Variants in ZYG11A observed in about 807,000 individuals in gnomAD.
The protein encoded by ZYG11A is zyg-11 family member A, cell cycle regulator, also known as protein zyg-11 homolog A.
In ZYG11A, 62 loss-of-function variants were observed where a neutral mutation model predicts 77.2. That is an observed-to-expected ratio of 0.80 (90% CI 0.65 to 0.99). The LOEUF (loss-of-function observed/expected upper bound fraction) is 0.99, where lower values mean the gene tolerates loss of function less well. ZYG11A is among the 50% of genes least tolerant of loss of function. The pLI, the probability that ZYG11A is intolerant of heterozygous loss-of-function variation, is 0.00. For missense variants in ZYG11A, 828 were observed against 896.8 expected, an observed-to-expected ratio of 0.92 and a Z score of 0.98; for synonymous variants, 315 against 324.6, an observed-to-expected ratio of 0.97 and a Z score of 0.32.
chr1:52,867,263 C>G (rs893428812), intron 6 of ZYG11A, among the ~76,000 whole-genome samples: 1 of 152,160 alleles, frequency 6.6e-6, no homozygotes, highest in Non-Finnish European at 1.5e-5. Context: ...TTTTTCAGAC[C>G]TATCATAGTA....
At chr1:52,860,367 A>G (rs901653825) in intron 3 of ZYG11A, among the ~76,000 whole-genome samples, 9 of 151,882 alleles carry the variant, frequency 5.9e-5, no homozygotes, top group Admixed American at 3.3e-4. Context: ...TGATTCTTGA[A>G]TCCTGTATAT....
chr1:52,847,864 A>T (rs112004311), intron 1 of ZYG11A, among the ~76,000 whole-genome samples: 31 of 79,242 alleles, frequency 3.9e-4, no homozygotes, highest in African/African-American at 1.5e-3. Flanking sequence ...TTATTTATTT[A>T]TTTATTTATT....
rs952689173 is a variant in ZYG11A at position 52,892,945 on chromosome 1, A to T, written c.2268A>T (p.Gln756His). 17 of 1,551,628 alleles carry T rather than the reference A, an allele frequency of 1.1e-5. No homozygotes were observed. The Admixed American group carries it at 2.5e-4, about 23-fold the overall frequency. ...ATTATCAGAGGCCCACTCTGTGTCAAATGCCCTTCTGAACCTAAGGAATTT... is the reference window on the plus strand; with the variant it reads ...ATTATCAGAGGCCCACTCTGTGTCATATGCCCTTCTGAACCTAAGGAATTT... ...FMNYQRPTLC[Q>H]MPF The change falls in exon 14 of 14, where the codon CAA (glutamine) becomes CAT (histidine). Residue 756 changes from glutamine (Q) to histidine (H), a missense_variant. Gln to His is a conservative substitution (Grantham distance 24, BLOSUM62 0). Coordinates refer to ENST00000371528, the MANE Select transcript of ZYG11A (RefSeq NM_001004339.3).
chr1:52,892,995 G>A lies in ZYG11A; in HGVS notation c.*38G>A, dbSNP rs556743729. ...TCAGAGGTGTGTGCTCTTCCTCAAT[G>A]TCAGGTGTTCTGCCCTGGCAGTAAT... On this transcript the variant is annotated 3_prime_UTR_variant, in exon 14 of 14. Transcript: ENST00000371528. 4 of 1,531,568 alleles carry A rather than the reference G, an allele frequency of 2.6e-6. No individual in the cohort carries two copies. Among genetic ancestry groups the A allele is most frequent in the African/African-American group, 2.8e-5 (2 of 72,712 alleles). 94.9% of individuals were successfully genotyped at this position (1,531,568 alleles called of 1,614,324 possible).
intron 3 of ZYG11A, 48 bp from the exon 4 acceptor site, chr1:52,860,683 G>A (rs1415340997): frequency 6.5e-7 from 1 of 1,540,140 alleles, no homozygotes; most frequent in South Asian, 1.2e-5. Context: ...AATGAATGGT[G>A]AAAAAATATG....
At chr1:52,883,938 G>A (rs2150019953) in intron 11 of ZYG11A, among the ~76,000 whole-genome samples, 1 of 152,058 alleles carries the variant, frequency 6.6e-6, no homozygotes, top group South Asian at 2.1e-4. Context: ...GGAGTGCAAT[G>A]GCATGATCAT....
chr1:52,845,237 A>C (rs11206032), intron 1 of ZYG11A, among the ~76,000 whole-genome samples: 2,812 of 151,664 alleles, frequency 0.019, 60 homozygotes, highest in African/African-American at 0.063. Context: ...AGTGTTTAAC[A>C]ACTGTATGTT....
chr1:52,866,673 A>C, intron 6 of ZYG11A, 106 bp downstream of exon 6: 1 of 652,536 alleles, frequency 1.5e-6, no homozygotes, highest in East Asian at 2.9e-5. Context: ...GGTTCTGTTG[A>C]GCATCTTCCA....
chr1:52,869,484 A>T (rs1646098379), intron 8 of ZYG11A, among the ~76,000 whole-genome samples: 1 of 151,680 alleles, frequency 6.6e-6, no homozygotes, highest in South Asian at 2.1e-4. Context: ...TGTTTAGCAA[A>T]GCACATCTTG....
intron 1 of ZYG11A, among the ~76,000 whole-genome samples, chr1:52,850,937 A>G (rs955999385): frequency 6.6e-6 from 1 of 151,904 alleles, no homozygotes; most frequent in Non-Finnish European, 1.5e-5. Flanking sequence ...ATTTGTTTCT[A>G]TTGACTTTTT....
intron 8 of ZYG11A, among the ~76,000 whole-genome samples, chr1:52,870,207 C>T (rs1375650974): frequency 1.5e-4 from 10 of 65,322 alleles, no homozygotes; most frequent in Non-Finnish European, 3.2e-4. Flanking sequence ...AAGAGACGCT[C>T]GTCACTTCCT....
At chr1:52,868,371 C>G (rs531346111) in intron 8 of ZYG11A, among the ~76,000 whole-genome samples, 1 of 152,160 alleles carries the variant, frequency 6.6e-6, no homozygotes, top group Non-Finnish European at 1.5e-5. Context: ...AGCTCTCCTA[C>G]GTATCTTTCT....
chr1:52,865,124 T>A (rs538347845), intron 5 of ZYG11A, among the ~76,000 whole-genome samples: 1 of 151,914 alleles, frequency 6.6e-6, no homozygotes, highest in African/African-American at 2.4e-5. Context: ...GTATTTTTAG[T>A]ATAGATGTGG....
At chr1:52,885,280 C>A (rs1646429100) in intron 11 of ZYG11A, among the ~76,000 whole-genome samples, 1 of 150,434 alleles carries the variant, frequency 6.6e-6, no homozygotes, top group South Asian at 2.1e-4. Flanking sequence ...TTTTAAGTCT[C>A]TTAGGGGTTC....
chr1:52,867,418 G>A (rs1485516445), intron 6 of ZYG11A, 121 bp from the exon 7 acceptor site: 3 of 683,130 alleles, frequency 4.4e-6, no homozygotes, highest in East Asian at 2.7e-5. Flanking sequence ...TCATAGCTGA[G>A]GATTTAAAAG....
At chr1:52,865,885 G>A (rs1303877365) in intron 5 of ZYG11A, among the ~76,000 whole-genome samples, 1 of 151,954 alleles carries the variant, frequency 6.6e-6, no homozygotes, top group Non-Finnish European at 1.5e-5. Flanking sequence ...GGTTACACAG[G>A]GGTATAAATT....
chr1:52,892,944 A>T lies in ZYG11A; in HGVS notation c.2267A>T (p.Gln756Leu). 1 of 1,551,772 alleles carries T rather than the reference A, an allele frequency of 6.4e-7. No individual in the cohort carries two copies. Among genetic ancestry groups the T allele is most frequent in the Non-Finnish European group, 8.7e-7 (1 of 1,147,014 alleles). Residue 756 changes from glutamine to leucine, a missense_variant, in exon 14 of 14, where the codon CAA (glutamine) becomes CTA (leucine). Transcript: ENST00000371528. The part of the protein sequence containing the change: ...FMNYQRPTLC[Q>L]MPF Reference sequence around the variant, plus strand: ...AATTATCAGAGGCCCACTCTGTGTCAAATGCCCTTCTGAACCTAAGGAATT... The same window carrying T: ...AATTATCAGAGGCCCACTCTGTGTCTAATGCCCTTCTGAACCTAAGGAATT...
chr1:52,857,136 C>G lies in ZYG11A; in HGVS notation c.395C>G (p.Ala132Gly). The change falls in exon 3 of 14, where the codon GCT becomes GGT. Residue 132 changes from alanine to glycine, a missense_variant. Transcript: ENST00000371528. ...FCRHKLIELN[A>G]TAVHADLPVP... ...CGTCATAAGCTCATTGAACTGAATG[C>G]TACTGCAGTGCACGCTGACCTCCCA... 1 of 1,551,886 alleles carries G rather than the reference C, an allele frequency of 6.4e-7. No individual in the cohort carries two copies. Among genetic ancestry groups the G allele is most frequent in the Non-Finnish European group, 8.7e-7 (1 of 1,147,044 alleles).
chr1:52,875,217 G>A (rs896871657), intron 8 of ZYG11A, among the ~76,000 whole-genome samples: 3 of 152,196 alleles, frequency 2.0e-5, no homozygotes, highest in African/African-American at 7.2e-5. Context: ...GATTTGACAA[G>A]AGGAAGTCAT....
Sources: gnomAD v4.1 joint callset for allele counts (sites outside exome capture counted in the v4.1 genomes callset) on GRCh38, gnomAD v4.1.1 for gene constraint, MANE v1.5 for transcripts, NCBI Gene and HGNC (gene_info 2026-07-23, HGNC 2026-07-21) for gene names.